Variants in DENND5B observed in about 807,000 individuals in gnomAD.
DENND5B encodes the protein DENN domain containing 5B, also known as DENN domain-containing protein 5B.
DENND5B carries 34 observed loss-of-function variants against 140.6 expected under a neutral mutation model. The ratio of observed to expected loss-of-function variants is 0.24; its 90% CI spans 0.18 to 0.32. The LOEUF is 0.32. Ranked by LOEUF, DENND5B falls within the 10% of genes least tolerant of loss-of-function variation. DENND5B has a pLI of 1.00. For missense variants in DENND5B, 1,142 were observed against 1,560.2 expected, an observed-to-expected ratio of 0.73 and a Z score of 4.52; for synonymous variants, 551 against 562.1, an observed-to-expected ratio of 0.98 and a Z score of 0.28.
intron 5 of DENND5B, among the ~76,000 whole-genome samples, chr12:31,451,366 C>G (rs1944512600): frequency 6.6e-6 from 1 of 151,960 alleles, no homozygotes; most frequent in Non-Finnish European, 1.5e-5. Context: ...CTCTGTTGCC[C>G]AGGCCGGAGT....
intron 6 of DENND5B, chr12:31,443,956 T>G (rs1187615418): frequency 1.3e-5 from 2 of 152,206 alleles, no homozygotes; most frequent in African/African-American, 4.8e-5. Context: ...TTAAAACCAC[T>G]AAGAGTCAGG....
At chr12:31,562,901 C>T (rs1949523094) in intron 1 of DENND5B, among the ~76,000 whole-genome samples, 1 of 149,824 alleles carries the variant, frequency 6.7e-6, no homozygotes, top group Non-Finnish European at 1.5e-5. Flanking sequence ...TTTAAGTATT[C>T]ATCTATAAAC....
intron 13 of DENND5B, 147 bp from the exon 14 acceptor site, chr12:31,409,531 T>A: frequency 2.2e-6 from 2 of 922,112 alleles, no homozygotes; most frequent in Non-Finnish European, 2.9e-6. Flanking sequence ...CAGGCTGGAG[T>A]GCAATGGTGC....
intron 1 of DENND5B, among the ~76,000 whole-genome samples, chr12:31,565,620 G>T (rs570534831): frequency 6.6e-6 from 1 of 152,236 alleles, no homozygotes; most frequent in African/African-American, 2.4e-5. Context: ...GTATATAAAT[G>T]CCCTGCTCTC....
chr12:31,551,141 C>G (rs1949047171), intron 1 of DENND5B, among the ~76,000 whole-genome samples: 1 of 149,152 alleles, frequency 6.7e-6, no homozygotes, highest in African/African-American at 2.6e-5. Context: ...CTTGCCCATG[C>G]CTATGTCCTG....
chr12:31,526,680 G>A (rs1948095567), intron 1 of DENND5B, among the ~76,000 whole-genome samples: 1 of 152,202 alleles, frequency 6.6e-6, no homozygotes, highest in Admixed American at 6.5e-5. Flanking sequence ...AAGGGTATTA[G>A]TGGAAAAATT....
At position 31,571,511 on chromosome 12, in the gene DENND5B, G is replaced by C. The variant is rs545949900; in HGVS notation, c.127+19195C>G. On this transcript the variant is annotated intron_variant, in intron 1 of 20. Coordinates refer to ENST00000389082, the MANE Select transcript of DENND5B (RefSeq NM_144973.4). ...TGGGTTTAAAAAAAAAAAGTTGCAA[G>C]AACTACGGATTTAATTTCTATCTCT... 1.8e-4 allele frequency among the ~76,000 whole-genome samples: 28 copies of C among 151,686 alleles called. No individual in the cohort carries two copies. The Middle Eastern group carries it at 0.014, about 74-fold the overall frequency.
rs1223481557 is a variant in DENND5B, at chr12:31,397,549, CAAAAA to C, written c.3256+621_3256+625del. Among the ~76,000 whole-genome samples the C allele has an allele frequency of 3.3e-3, 161 of 49,312 alleles. 1 individual carries two copies. Among genetic ancestry groups the C allele is most frequent in the South Asian group, 8.3e-3 (7 of 844 alleles). 32.4% of individuals were successfully genotyped at this position (49,312 alleles called of 152,430 possible). The stretch of plus-strand genomic sequence containing the variant: ...GGTGACAGAGTGAGATTCCATCTCA[CAAAAA>C]AAAAAAAAAAAAAAAAAAAGGCTAG... On this transcript the variant is annotated intron_variant, in intron 17 of 20. Transcript: ENST00000389082.
At chr12:31,543,802 A>G (rs1008136303) in intron 1 of DENND5B, among the ~76,000 whole-genome samples, 2 of 152,240 alleles carry the variant, frequency 1.3e-5, no homozygotes, top group African/African-American at 4.8e-5. Context: ...ACAGCAAAAT[A>G]AATTCCAAGT....
rs114943770 is a variant in DENND5B, at chr12:31,501,410, G to A, written c.128-5491C>T. ...AACCTCTTTCCTTTATAAATTGCCC[G>A]GTCTCAAGTCTATCTTTATTAGCAG... On this transcript the variant is annotated intron_variant, in intron 1 of 20. Transcript: ENST00000389082. 9.6e-3 allele frequency among the ~76,000 whole-genome samples: 1,467 copies of A among 152,206 alleles called. 27 individuals carry two copies. The highest frequency in any genetic ancestry group is 0.033 in the African/African-American group (1,387 of 41,540).
rs1431386884 is a variant in DENND5B, at chr12:31,494,203, C to T, written c.237+1607G>A. ...ATCTATCCATCCATCCATCCATCCA[C>T]CTACCTACCTACCTACCTCTACCTA... is the stretch of plus-strand genomic sequence containing the variant. On this transcript the variant is annotated intron_variant, in intron 2 of 20. Transcript: ENST00000389082. Among the ~76,000 whole-genome samples, 59 of 70,854 alleles carry T rather than the reference C, an allele frequency of 8.3e-4. 1 individual carries two copies. Among genetic ancestry groups the T allele is most frequent in the African/African-American group, 2.2e-3 (46 of 21,186 alleles). 46.5% of individuals were successfully genotyped at this position (70,854 alleles called of 152,430 possible).
At chr12:31,446,962 G>A (rs1440053449) in intron 6 of DENND5B, among the ~76,000 whole-genome samples, 1 of 150,970 alleles carries the variant, frequency 6.6e-6, no homozygotes, top group African/African-American at 2.4e-5. Context: ...TTTCCATTTA[G>A]GCAATAAAGA....
At chr12:31,512,100 A>T (rs1006278176) in intron 1 of DENND5B, among the ~76,000 whole-genome samples, 1 of 151,416 alleles carries the variant, frequency 6.6e-6, no homozygotes, top group Non-Finnish European at 1.5e-5. Context: ...TATTTTTAGT[A>T]GAGACGGGGT....
chr12:31,469,920 GC>G (rs1314914213), intron 3 of DENND5B, among the ~76,000 whole-genome samples: 1 of 151,986 alleles, frequency 6.6e-6, no homozygotes, highest in African/African-American at 2.4e-5. Flanking sequence ...GCAGGTGCTA[GC>G]ACATGCACAG....
chr12:31,409,215 TGC>T, intron 14 of DENND5B, 46 bp downstream of exon 14: 1 of 1,495,658 alleles, frequency 6.7e-7, no homozygotes, highest in East Asian at 2.4e-5. Flanking sequence ...ATGCTTTTAT[TGC>T]ATTGGTCACC....
At chr12:31,590,409 A>C in intron 1 of DENND5B, 1 of 204,772 alleles carries the variant, frequency 4.9e-6, no homozygotes, top group Non-Finnish European at 9.7e-6. Context: ...GTGCGGCTGC[A>C]AGCGAAGGGG....
At chr12:31,577,562 T>G (rs1337996242) in intron 1 of DENND5B, among the ~76,000 whole-genome samples, 1 of 151,354 alleles carries the variant, frequency 6.6e-6, no homozygotes, top group African/African-American at 2.4e-5. Flanking sequence ...ATACAAAAAA[T>G]TAGCCAGGCG....
chr12:31,386,369 G>T lies in DENND5B; in HGVS notation c.*1234C>A, dbSNP rs708200. The T allele has an allele frequency of 0.32, 49,103 of 153,898 alleles. 8,915 individuals are homozygous for T. The highest frequency in any genetic ancestry group is 0.43 in the Non-Finnish European group (29,372 of 68,160). 9.5% of individuals were successfully genotyped at this position (153,898 alleles called of 1,614,324 possible). ...ACTGGAAAGTTACTCACAACTTTTGGTCTTTCAAAATTGTTGCCACCTCTT... is the reference window on the plus strand; with the variant it reads ...ACTGGAAAGTTACTCACAACTTTTGTTCTTTCAAAATTGTTGCCACCTCTT... On this transcript the variant is annotated 3_prime_UTR_variant, in exon 21 of 21. Transcript: ENST00000389082.
intron 15 of DENND5B, 106 bp from the exon 16 acceptor site, chr12:31,399,878 C>T (rs1941704673): frequency 1.4e-6 from 1 of 740,704 alleles, no homozygotes; most frequent in Non-Finnish European, 2.3e-6. Flanking sequence ...CAGAGACAAA[C>T]CCTGCATAAT....
Sources: allele counts gnomAD v4.1 joint callset (sites outside exome capture counted in the v4.1 genomes callset), GRCh38; gene constraint gnomAD v4.1.1; transcripts MANE v1.5; gene names NCBI Gene and HGNC (gene_info 2026-07-23, HGNC 2026-07-21).